The following RIMBP2 variants were observed in gnomAD, a reference collection of about 807,000 sequenced individuals.
The protein encoded by RIMBP2 is RIMS binding protein 2, also known as RIMS-binding protein 2.
RIMBP2 carries 48 observed loss-of-function variants against 118.6 expected under a neutral mutation model. The observed-to-expected ratio is 0.40, with a 90% CI of 0.32 to 0.51. The LOEUF (loss-of-function observed/expected upper bound fraction) is 0.51. Ranked by LOEUF, RIMBP2 falls within the 20% of genes least tolerant of loss-of-function variation. RIMBP2 has a pLI of 0.41. For missense variants in RIMBP2, 1,551 were observed against 1,768.3 expected (o/e 0.88, Z 2.20); for synonymous variants, 762 against 742.9 (o/e 1.03, Z -0.42).
In RIMBP2 at chr12:130,412,902, A is replaced by C. The variant is rs146702893; in HGVS notation, c.3421-115T>G. On this transcript the variant is annotated intron_variant, in intron 18 of 22. Coordinates refer to ENST00000690449, the MANE Select transcript of RIMBP2 (RefSeq NM_001393629.1). ...AAATATATTTTAAATATAGTTTAAA[A>C]ATACCATAAATCACCTGCATAGGTC... The C allele has an allele frequency of 8.8e-4, 891 of 1,017,452 alleles. 6 individuals carry two copies. The African/African-American group carries it at 0.012, about 14-fold the overall frequency. 63.0% of individuals were successfully genotyped at this position (1,017,452 alleles called of 1,614,324 possible).
intron 4 of RIMBP2, among the ~76,000 whole-genome samples, chr12:130,480,013 G>A (rs1170706832): frequency 3.3e-5 from 5 of 151,822 alleles, no homozygotes; most frequent in African/African-American, 4.8e-5. Context: ...GACCAGCCAC[G>A]AACCCTGGCA....
chr12:130,420,521 A>C lies in RIMBP2; in HGVS notation c.3238+1932T>G, dbSNP rs1281378254. ...AGAAAAATCCAACCACATTCATCAAAAGTAGTTTCATTTGGGAAGGGTTTT... is the reference window on the plus strand; with the variant it reads ...AGAAAAATCCAACCACATTCATCAACAGTAGTTTCATTTGGGAAGGGTTTT... On this transcript the variant is annotated intron_variant, in intron 17 of 22. Coordinates refer to ENST00000690449, the MANE Select transcript of RIMBP2 (RefSeq NM_001393629.1). The surrounding 1 kb of genome is among the most constrained non-coding windows in gnomAD (Gnocchi z 4.3). Among the ~76,000 whole-genome samples, 3 of 152,154 alleles carry C rather than the reference A, an allele frequency of 2.0e-5. No homozygotes were observed. The highest frequency in any genetic ancestry group is 2.9e-5 in the Non-Finnish European group (2 of 68,012).
chr12:130,410,335 T>C (rs1016877861), intron 19 of RIMBP2, among the ~76,000 whole-genome samples: 1 of 152,244 alleles, frequency 6.6e-6, no homozygotes, highest in African/African-American at 2.4e-5. Context: ...CTGTGGCTTT[T>C]TATTCTGCAC....
rs540874863 is a variant in RIMBP2, at chr12:130,683,378, A to G, written c.-352+32844T>C. ...CCCTGACCTCAGGCTTCCAGCCTCC[A>G]GAGCTGCGAGAGGATGCATTCAGGT... On this transcript the variant is annotated intron_variant, in intron 1 of 22. Coordinates refer to ENST00000690449, the MANE Select transcript of RIMBP2 (RefSeq NM_001393629.1). The surrounding 1 kb of genome is among the most constrained non-coding windows in gnomAD (Gnocchi z 4.4). Among the ~76,000 whole-genome samples, 2 of 152,380 alleles carry G rather than the reference A, an allele frequency of 1.3e-5. No individual in the cohort carries two copies. Among genetic ancestry groups the G allele is most frequent in the South Asian group, 4.1e-4 (2 of 4,828 alleles).
intron 1 of RIMBP2, among the ~76,000 whole-genome samples, chr12:130,648,750 G>A (rs947376451): frequency 2.8e-5 from 4 of 142,786 alleles, no homozygotes; most frequent in African/African-American, 5.0e-5. Flanking sequence ...TCCGCCTCCC[G>A]GGTTCAAGCG....
At chr12:130,577,582 G>A (rs1261696841) in intron 2 of RIMBP2, among the ~76,000 whole-genome samples, 1 of 152,112 alleles carries the variant, frequency 6.6e-6, no homozygotes, top group South Asian at 2.1e-4. Flanking sequence ...CAGCATGGGG[G>A]AAACTGCCCC....
At chr12:130,429,875 A>C (rs2077047834) in intron 14 of RIMBP2, 1 of 152,174 alleles carries the variant, frequency 6.6e-6, no homozygotes. Flanking sequence ...AGCGGAAGGC[A>C]CGAAAGCGAA....
chr12:130,665,847 C>T (rs1330026632), intron 1 of RIMBP2, among the ~76,000 whole-genome samples: 1 of 152,224 alleles, frequency 6.6e-6, no homozygotes, highest in East Asian at 1.9e-4. Context: ...TTACACTTCC[C>T]CCTCTTGATT....
At chr12:130,541,093 G>C (rs1304398505) in intron 2 of RIMBP2, among the ~76,000 whole-genome samples, 1 of 152,128 alleles carries the variant, frequency 6.6e-6, no homozygotes, top group Non-Finnish European at 1.5e-5. Context: ...TCCATCCAGA[G>C]CAAGAGGCCA....
chr12:130,594,724 T>C (rs1422173929), intron 2 of RIMBP2, among the ~76,000 whole-genome samples: 2 of 152,224 alleles, frequency 1.3e-5, no homozygotes, highest in Admixed American at 1.3e-4. Flanking sequence ...GAAGTATGTA[T>C]GTACATGTGA....
chr12:130,476,414 G>T (rs753885507), intron 5 of RIMBP2, among the ~76,000 whole-genome samples: 9 of 152,170 alleles, frequency 5.9e-5, no homozygotes, highest in Non-Finnish European at 1.3e-4. Flanking sequence ...TTGGTAGGGG[G>T]ATGAGGGCCA....
At chr12:130,654,774 G>T (rs928978830) in intron 1 of RIMBP2, among the ~76,000 whole-genome samples, 1 of 152,206 alleles carries the variant, frequency 6.6e-6, no homozygotes, top group Admixed American at 6.5e-5. Flanking sequence ...AGAAAACAGG[G>T]TGCAGGCATC....
intron 2 of RIMBP2, among the ~76,000 whole-genome samples, chr12:130,602,136 T>TA (rs1216678352): frequency 6.6e-6 from 1 of 152,090 alleles, no homozygotes; most frequent in Non-Finnish European, 1.5e-5. Flanking sequence ...TCGTCTCTAC[T>TA]AAAAAATACA....
At chr12:130,560,801 C>T (rs1036576769) in intron 2 of RIMBP2, among the ~76,000 whole-genome samples, 1 of 152,210 alleles carries the variant, frequency 6.6e-6, no homozygotes, top group Admixed American at 6.5e-5. Context: ...CCCAAGAGCC[C>T]ATGTCGAAAT....
chr12:130,516,585 T>C (rs12828048), intron 3 of RIMBP2, among the ~76,000 whole-genome samples: 7,923 of 152,320 alleles, frequency 0.052, 280 homozygotes, highest in South Asian at 0.16. Flanking sequence ...CACGAATCCT[T>C]ACCAGGAGGG....
At chr12:130,566,897 T>G (rs941668714) in intron 2 of RIMBP2, among the ~76,000 whole-genome samples, 1 of 152,230 alleles carries the variant, frequency 6.6e-6, no homozygotes, top group South Asian at 2.1e-4. Context: ...TAAGGGATTA[T>G]CACTCCAGCC....
At chr12:130,566,042 TAA>T (rs1020114719) in intron 2 of RIMBP2, among the ~76,000 whole-genome samples, 1 of 152,208 alleles carries the variant, frequency 6.6e-6, no homozygotes, top group Admixed American at 6.5e-5. Flanking sequence ...TTGTCATTGA[TAA>T]AGAGGGTCAA....
intron 1 of RIMBP2, chr12:130,667,278 C>T (rs1348698730): frequency 1.3e-5 from 2 of 152,188 alleles, no homozygotes; most frequent in East Asian, 3.9e-4. Flanking sequence ...AGAGAGACAA[C>T]ATCCCTGTCT....
rs137954991 is a variant in RIMBP2, at chr12:130,513,149, A to G, written c.-127+4679T>C. The stretch of plus-strand genomic sequence containing the variant: ...AGGAAATTCTGACCCATGCTACAGC[A>G]TGTGCTCATGGGTCATGAACTTAAT... On this transcript the variant is annotated intron_variant, in intron 3 of 22. Transcript: ENST00000690449. 9.2e-5 allele frequency among the ~76,000 whole-genome samples: 14 copies of G among 152,320 alleles called. No homozygotes were observed. In the East Asian group the frequency reaches 2.7e-3, roughly 29 times the overall value.
Sources: gnomAD v4.1 joint callset for allele counts (sites outside exome capture counted in the v4.1 genomes callset) on GRCh38, gnomAD v4.1.1 for gene constraint, Gnocchi (gnomAD v3.1) non-coding constraint, MANE v1.5 for transcripts, NCBI Gene and HGNC (gene_info 2026-07-23, HGNC 2026-07-21) for gene names.